Variants in EYS observed in about 807,000 individuals in gnomAD.
EYS encodes protein eyes shut homolog.
EYS carries 250 observed loss-of-function variants against 282.1 expected under a neutral mutation model. That is an observed-to-expected ratio of 0.89 (90% CI 0.80 to 0.98). The LOEUF is 0.98. EYS is among the 50% of genes least tolerant of loss of function. The pLI, the probability that EYS is intolerant of heterozygous loss-of-function variation, is 0.00. For synonymous variants in EYS, 1,355 were observed against 1,282.9 expected (o/e 1.06, Z -1.20); for missense variants, 4,016 against 3,709.0 (o/e 1.08, Z -2.15).
At chr6:63,834,445 T>G (rs1771744760) in intron 36 of EYS, among the ~76,000 whole-genome samples, 3 of 151,974 alleles carry the variant, frequency 2.0e-5, no homozygotes, top group Non-Finnish European at 4.4e-5. Flanking sequence ...AACAGACACA[T>G]GAAAAAATGC....
At chr6:65,394,227 C>T (rs1002326512) in intron 7 of EYS, among the ~76,000 whole-genome samples, 7 of 151,620 alleles carry the variant, frequency 4.6e-5, no homozygotes, top group South Asian at 2.1e-4. Flanking sequence ...TGTGTATGTG[C>T]GCACGTGTGT....
intron 12 of EYS, among the ~76,000 whole-genome samples, chr6:65,291,800 G>A (rs557994053): frequency 2.0e-5 from 3 of 151,624 alleles, no homozygotes; most frequent in Admixed American, 6.6e-5. Context: ...TCAGTACATC[G>A]AAAGAGTAGG....
chr6:64,032,801 C>T (rs1769917461), intron 33 of EYS, among the ~76,000 whole-genome samples: 1 of 152,212 alleles, frequency 6.6e-6, no homozygotes, highest in African/African-American at 2.4e-5. Context: ...TGAGGCTATA[C>T]AGAACTTTCA....
Position 64,232,332 on chromosome 6 carries a change from T to C in EYS, c.6192-1508A>G, listed in dbSNP as rs1297255106. Among the ~76,000 whole-genome samples, 7 of 138,530 alleles carry C rather than the reference T, an allele frequency of 5.1e-5. No homozygotes were observed. In the South Asian group the frequency reaches 1.2e-3, roughly 23 times the overall value. The allele number at this position is 138,530 out of a possible 152,430, so 90.9% of individuals were successfully genotyped here. The stretch of plus-strand genomic sequence containing the variant: ...GGCTCTCCAGTAAATATTGTATAAA[T>C]AATTTTGAATCTTTTTTTTTGTAAA... On this transcript the variant is annotated intron_variant, in intron 30 of 42. Transcript: ENST00000503581.
chr6:64,110,428 C>CTG (rs551950399), intron 31 of EYS, among the ~76,000 whole-genome samples: 2,061 of 151,732 alleles, frequency 0.014, 34 homozygotes, highest in African/African-American at 0.047. Context: ...GTGGATGACT[C>CTG]TGTGTGTGTG....
At chr6:64,795,001 G>A (rs1023609877) in intron 22 of EYS, among the ~76,000 whole-genome samples, 2 of 152,070 alleles carry the variant, frequency 1.3e-5, no homozygotes, top group African/African-American at 2.4e-5. Flanking sequence ...TTGGCAGGCC[G>A]AGGCAGGTGG....
At chr6:65,701,370 C>G (rs1018716490) in intron 1 of EYS, among the ~76,000 whole-genome samples, 3 of 152,068 alleles carry the variant, frequency 2.0e-5, no homozygotes, top group Non-Finnish European at 2.9e-5. Context: ...GGAGAAATAA[C>G]ATGGGAAAAT....
In EYS at chr6:64,822,733, AGG is replaced by A; in HGVS notation, c.3080_3081del (p.Thr1027MetfsTer2). 1.9e-6 allele frequency: 3 copies of A among 1,549,984 alleles called. No homozygotes were observed. The highest frequency in any genetic ancestry group is 2.6e-6 in the Non-Finnish European group (3 of 1,145,988). On this transcript the variant is annotated frameshift_variant, in exon 20 of 43. Coordinates refer to ENST00000503581, the MANE Select transcript of EYS (RefSeq NM_001142800.2). LOFTEE classifies it high-confidence loss of function. ...GVCIDGINHY[T>X]CDCKSGFFGT... ...CCAAAAAACCCACTCTTGCAGTCAC[AGG>A]TATAATGATTGATGCCATCGATACA...
At chr6:64,344,185 G>A (rs530946486) in intron 29 of EYS, among the ~76,000 whole-genome samples, 1 of 152,184 alleles carries the variant, frequency 6.6e-6, no homozygotes, top group South Asian at 2.1e-4. Flanking sequence ...GAAAAAGAGG[G>A]AATCCTCCCT....
intron 12 of EYS, among the ~76,000 whole-genome samples, chr6:65,209,989 G>C (rs1274262699): frequency 6.6e-6 from 1 of 151,914 alleles, no homozygotes; most frequent in Non-Finnish European, 1.5e-5. Context: ...AAGAGCAGTG[G>C]GAAGTAATGA....
chr6:64,241,172 C>T (rs528912687), intron 30 of EYS, among the ~76,000 whole-genome samples: 22 of 152,132 alleles, frequency 1.4e-4, no homozygotes, highest in African/African-American at 4.3e-4. Context: ...ATTTTCACAT[C>T]GATGTTTATC....
At chr6:64,255,166 A>C (rs908679884) in intron 30 of EYS, among the ~76,000 whole-genome samples, 1 of 152,118 alleles carries the variant, frequency 6.6e-6, no homozygotes, top group Non-Finnish European at 1.5e-5. Flanking sequence ...ATTTCAGTAG[A>C]AGCTGAGGCA....
chr6:64,969,352 A>G (rs718017), intron 14 of EYS, among the ~76,000 whole-genome samples: 58,350 of 152,088 alleles, frequency 0.38, 13,446 homozygotes, highest in African/African-American at 0.65. Context: ...ATGCAGTATC[A>G]CACACATTTG....
At chr6:63,945,869 C>T (rs879619633) in intron 35 of EYS, among the ~76,000 whole-genome samples, 1 of 152,198 alleles carries the variant, frequency 6.6e-6, no homozygotes, top group Non-Finnish European at 1.5e-5. Flanking sequence ...ATAACTCACA[C>T]TATCATATCA....
intron 35 of EYS, among the ~76,000 whole-genome samples, chr6:63,905,265 C>T (rs201004425): frequency 5.3e-5 from 8 of 151,792 alleles, no homozygotes; most frequent in Admixed American, 2.6e-4. Flanking sequence ...GTGGAAAGGC[C>T]TTTAAATAAA....
At chr6:65,543,154 G>T (rs1768237447) in intron 2 of EYS, among the ~76,000 whole-genome samples, 1 of 151,926 alleles carries the variant, frequency 6.6e-6, no homozygotes, top group Non-Finnish European at 1.5e-5. Flanking sequence ...GAGTAGCTGG[G>T]ATTATAGGCA....
rs977442786 is a variant in EYS at position 65,560,023 on chromosome 6, T to C, written c.-332-64030A>G. 4.6e-5 allele frequency among the ~76,000 whole-genome samples: 7 copies of C among 150,590 alleles called. No homozygotes were observed. In the East Asian group the frequency reaches 1.4e-3, roughly 30 times the overall value. On this transcript the variant is annotated intron_variant, in intron 2 of 42. Coordinates refer to ENST00000503581, the MANE Select transcript of EYS (RefSeq NM_001142800.2). The stretch of plus-strand genomic sequence containing the variant: ...GATATTAAAGAATGTATTTCAGTTT[T>C]AGTTTATGTTTTGTCAAATATTTAT...
intron 2 of EYS, among the ~76,000 whole-genome samples, chr6:65,604,026 C>A (rs1765697464): frequency 6.6e-6 from 1 of 150,920 alleles, no homozygotes; most frequent in South Asian, 2.1e-4. Flanking sequence ...GAATTATTTT[C>A]AAACTGTACT....
intron 26 of EYS, among the ~76,000 whole-genome samples, chr6:64,483,016 G>C (rs1776482662): frequency 6.6e-6 from 1 of 151,492 alleles, no homozygotes; most frequent in Admixed American, 6.6e-5. Context: ...CTACTCTGTT[G>C]GCCACTAGAG....
Sources: gnomAD v4.1 joint callset for allele counts (sites outside exome capture counted in the v4.1 genomes callset) on GRCh38, gnomAD v4.1.1 for gene constraint, MANE v1.5 for transcripts, NCBI Gene and HGNC (gene_info 2026-07-23, HGNC 2026-07-21) for gene names.